Variants in MRTFB observed in about 807,000 individuals in gnomAD.
MRTFB encodes the protein myocardin related transcription factor B.
In MRTFB, 29 loss-of-function variants were observed where a neutral mutation model predicts 104.2. The observed-to-expected ratio is 0.28, with a 90% confidence interval of 0.21 to 0.38. The LOEUF (loss-of-function observed/expected upper bound fraction) is 0.38. MRTFB is among the 10% of genes least tolerant of loss of function. The pLI is 1.00. For synonymous variants in MRTFB, 535 were observed against 519.5 expected (o/e 1.03, Z -0.41); for missense variants, 1,270 against 1,341.6 (o/e 0.95, Z 0.83).
chr16:14,011,696 AC>A, the MRTFB span, among the ~76,000 whole-genome samples: 1 of 152,050 alleles, frequency 6.6e-6, no homozygotes, highest in Non-Finnish European at 1.5e-5. Flanking sequence ...ACATGGTGAA[AC>A]CCCGTCTCTA....
At chr16:14,216,404 T>A (rs1174429379) in intron 6 of MRTFB, among the ~76,000 whole-genome samples, 1 of 152,200 alleles carries the variant, frequency 6.6e-6, no homozygotes, top group Non-Finnish European at 1.5e-5. Flanking sequence ...GAAAAAACAT[T>A]AACAAGAGTT....
the MRTFB span, among the ~76,000 whole-genome samples, chr16:14,027,895 G>A: frequency 1.3e-5 from 2 of 152,162 alleles, no homozygotes; most frequent in Admixed American, 1.3e-4. Flanking sequence ...AGCAGCTGTG[G>A]GCTGGGTGCA....
intron 2 of MRTFB, among the ~76,000 whole-genome samples, chr16:14,124,734 T>G (rs2037025093): frequency 6.6e-6 from 1 of 152,202 alleles, no homozygotes; most frequent in Non-Finnish European, 1.5e-5. Context: ...TTTTTTGTTG[T>G]GTCTCTGCCA....
intron 2 of MRTFB, among the ~76,000 whole-genome samples, chr16:14,116,839 G>A (rs2036568971): frequency 6.6e-6 from 1 of 152,160 alleles, no homozygotes; most frequent in African/African-American, 2.4e-5. Flanking sequence ...CCCTGGTTGA[G>A]ATCTACCAGT....
the MRTFB span, among the ~76,000 whole-genome samples, chr16:14,017,261 T>C: frequency 6.6e-6 from 1 of 151,880 alleles, no homozygotes; most frequent in African/African-American, 2.4e-5. Flanking sequence ...TTTCACCATG[T>C]TAGCCAGGAT....
At chr16:14,240,553 C>A (rs751679294) in intron 10 of MRTFB, 69 bp downstream of exon 10, 1 of 1,609,412 alleles carries the variant, frequency 6.2e-7, no homozygotes, top group South Asian at 1.1e-5. Context: ...CTATAAGTTA[C>A]CAAAAGTTGA....
At chr16:14,143,214 A>G (rs1016223304) in intron 3 of MRTFB, 1 of 147,380 alleles carries the variant, frequency 6.8e-6, no homozygotes, top group Non-Finnish European at 1.5e-5. Context: ...CTTAATATGT[A>G]CAAGGGACAA....
In MRTFB at chr16:14,247,263, G is replaced by A. The variant is rs762958594; in HGVS notation, c.2003G>A (p.Gly668Asp). 1 of 1,614,168 alleles carries A rather than the reference G, an allele frequency of 6.2e-7. No homozygotes were observed. The highest frequency in any genetic ancestry group is 1.1e-5 in the South Asian group (1 of 91,082). ...GCTGTAGGCCAGCCCGTCTCTACAG[G>A]TGGCCAGACCCTTGTTGCCAAAAAG... Reference protein sequence around the residue: ...SHAVGQPVSTGGQTLVAKKAV... With the variant: ...SHAVGQPVSTDGQTLVAKKAV... The change falls in exon 12 of 17, where the codon GGT (glycine) becomes GAT (aspartate). Residue 668 changes from glycine (G) to aspartate (D), a missense_variant. This residue lies in a region of MRTFB where 1,144 missense variants were observed against 1,131.5 expected (regional missense o/e 1.01). Transcript: ENST00000571589.
At chr16:14,218,415 C>T (rs1325502196) in intron 7 of MRTFB, among the ~76,000 whole-genome samples, 1 of 152,054 alleles carries the variant, frequency 6.6e-6, no homozygotes, top group African/African-American at 2.4e-5. Context: ...AAGGTCCACA[C>T]GTTGCCTCTG....
chr16:14,111,897 G>A (rs922946008), intron 2 of MRTFB, among the ~76,000 whole-genome samples: 1 of 152,192 alleles, frequency 6.6e-6, no homozygotes, highest in African/African-American at 2.4e-5. Context: ...ACACCCACCT[G>A]GGTGTGTGCT....
At chr16:14,183,681 C>G (rs1005795429) in intron 3 of MRTFB, among the ~76,000 whole-genome samples, 51 of 152,064 alleles carry the variant, frequency 3.4e-4, no homozygotes, top group Admixed American at 1.5e-3. Flanking sequence ...AGAACCTATT[C>G]AGAGATGATT....
intron 3 of MRTFB, among the ~76,000 whole-genome samples, chr16:14,203,996 T>TA (rs2151129807): frequency 6.6e-6 from 1 of 152,296 alleles, no homozygotes; most frequent in East Asian, 1.9e-4. Context: ...GTTCTTGCTC[T>TA]ATTGCCCAGG....
At chr16:14,245,145 G>A (rs1028071928) in intron 10 of MRTFB, among the ~76,000 whole-genome samples, 6 of 152,102 alleles carry the variant, frequency 3.9e-5, no homozygotes, top group Non-Finnish European at 7.4e-5. Flanking sequence ...GCAGAGGGCC[G>A]TTTCTGGATT....
the MRTFB span, among the ~76,000 whole-genome samples, chr16:14,012,309 T>C: frequency 7.0e-6 from 1 of 142,710 alleles, no homozygotes; most frequent in Non-Finnish European, 1.5e-5. Flanking sequence ...CTTTTTTTTT[T>C]TTTTTTTGAG....
chr16:14,119,879 C>T (rs77878305), intron 2 of MRTFB, among the ~76,000 whole-genome samples: 3,705 of 152,064 alleles, frequency 0.024, 167 homozygotes, highest in African/African-American at 0.085. Flanking sequence ...GTGTAGGGTC[C>T]TACATTTCCT....
At chr16:14,078,020 G>T (rs184150301) in intron 1 of MRTFB, among the ~76,000 whole-genome samples, 1 of 152,204 alleles carries the variant, frequency 6.6e-6, no homozygotes, top group African/African-American at 2.4e-5. Flanking sequence ...TCTCTTGGAT[G>T]TACCCTAACA....
chr16:14,240,001 G>A (rs2042692945), intron 9 of MRTFB, among the ~76,000 whole-genome samples: 1 of 152,228 alleles, frequency 6.6e-6, no homozygotes, highest in Non-Finnish European at 1.5e-5. Context: ...AGCTCATGCT[G>A]AGCATCTTGC....
intron 9 of MRTFB, among the ~76,000 whole-genome samples, chr16:14,239,445 A>G (rs1323019167): frequency 6.6e-6 from 1 of 152,236 alleles, no homozygotes; most frequent in African/African-American, 2.4e-5. Context: ...TTAATTGAGT[A>G]CTTCTCAAAG....
chr16:14,088,252 G>A (rs1287533621), intron 2 of MRTFB, among the ~76,000 whole-genome samples: 2 of 152,264 alleles, frequency 1.3e-5, no homozygotes, highest in East Asian at 1.9e-4. Flanking sequence ...CTTGTGCAAT[G>A]TCTTTTGTGT....
Sources: allele counts gnomAD v4.1 joint callset (sites outside exome capture counted in the v4.1 genomes callset), GRCh38; gene constraint gnomAD v4.1.1; regional missense constraint gnomAD v4.1.1; transcripts MANE v1.5; gene names NCBI Gene and HGNC (gene_info 2026-07-23, HGNC 2026-07-21).